The following AGO3 variants were observed in gnomAD, a reference collection of about 807,000 sequenced individuals.
AGO3 encodes the protein argonaute RISC catalytic component 3.
Under a neutral mutation model 105.5 loss-of-function variants are expected in AGO3, and 16 were observed. The ratio of observed to expected loss-of-function variants is 0.15; its 90% CI spans 0.10 to 0.23. AGO3 has a LOEUF of 0.23. AGO3 is among the 10% of genes least tolerant of loss of function. The pLI, the probability that AGO3 is intolerant of heterozygous loss-of-function variation, is 1.00. For synonymous variants in AGO3, 340 were observed against 367.3 expected (o/e 0.93, Z 0.85); for missense variants, 534 against 1,088.0 (o/e 0.49, Z 7.16).
chr1:36,047,087 A>C (rs934244224), intron 17 of AGO3, among the ~76,000 whole-genome samples: 1 of 152,154 alleles, frequency 6.6e-6, no homozygotes, highest in East Asian at 1.9e-4. Flanking sequence ...TGTATTAAAA[A>C]TACAAAATTA....
intron 17 of AGO3, among the ~76,000 whole-genome samples, chr1:36,046,116 A>T (rs1002885188): frequency 6.6e-5 from 10 of 152,140 alleles, no homozygotes; most frequent in Admixed American, 6.5e-4. Context: ...TTAGGCACTA[A>T]TCCCATCTTG....
Position 35,945,683 on chromosome 1 carries a change from C to T in AGO3, c.20-9C>T, listed in dbSNP as rs780074752. 11 of 1,605,022 alleles carry T rather than the reference C, an allele frequency of 6.9e-6. No individual in the cohort carries two copies. In the Admixed American group the frequency reaches 8.6e-5, roughly 13 times the overall value. The stretch of plus-strand genomic sequence containing the variant: ...CTGTGACTCTTTTTTTTTCCCTTTC[C>T]CCTGGCAGGACCCGCTGGGGCCCAG... On this transcript the variant is annotated splice_polypyrimidine_tract_variant and intron_variant, in intron 1 of 18. Transcript: ENST00000373191.
upstream of AGO3, chr1:35,930,842 G>A (rs1472864282): frequency 1.0e-5 from 2 of 197,308 alleles, no homozygotes; most frequent in Admixed American, 1.2e-4. Flanking sequence ...CCGCGACGTC[G>A]TCGCAGACAG....
At chr1:35,943,589 C>T (rs1257631533) in intron 1 of AGO3, among the ~76,000 whole-genome samples, 1 of 149,548 alleles carries the variant, frequency 6.7e-6, no homozygotes, top group Non-Finnish European at 1.5e-5. Context: ...GTGTGAGCCA[C>T]CACCCCCAGC....
chr1:36,028,037 G>A (rs553244948), intron 12 of AGO3, among the ~76,000 whole-genome samples: 1 of 151,940 alleles, frequency 6.6e-6, no homozygotes, highest in Non-Finnish European at 1.5e-5. Context: ...CAATATTTAT[G>A]TATGTATGTG....
chr1:35,979,155 G>C (rs1377799789), intron 5 of AGO3, among the ~76,000 whole-genome samples: 1 of 152,108 alleles, frequency 6.6e-6, no homozygotes, highest in Non-Finnish European at 1.5e-5. Flanking sequence ...ACGAGGTCAG[G>C]AGATTGAGAC....
At chr1:36,036,137 A>G in intron 13 of AGO3, 40 bp from the exon 14 acceptor site, 1 of 1,589,426 alleles carries the variant, frequency 6.3e-7, no homozygotes, top group East Asian at 2.2e-5. Context: ...TGGATACTGA[A>G]AAAATGAAAT....
chr1:35,999,724 A>G (rs1639997052), intron 5 of AGO3, among the ~76,000 whole-genome samples: 1 of 152,158 alleles, frequency 6.6e-6, no homozygotes, highest in Non-Finnish European at 1.5e-5. Context: ...ATCTAGTAAC[A>G]TTGCTGAATT....
chr1:36,009,491 C>G lies in AGO3; in HGVS notation c.1046C>G (p.Ala349Gly), dbSNP rs770280779. 6.2e-7 allele frequency: 1 copy of G among 1,612,724 alleles called. No homozygotes were observed. Among genetic ancestry groups the G allele is most frequent in the African/African-American group, 1.3e-5 (1 of 74,908 alleles). ...CATTTGTAGGTCTGTAATATTGTGGCAGGGCAACGATGTATCAAGAAGCTA... is the reference window on the plus strand; with the variant it reads ...CATTTGTAGGTCTGTAATATTGTGGGAGGGCAACGATGTATCAAGAAGCTA... ...YLPLEVCNIV[A>G]GQRCIKKLTD... The change falls in exon 9 of 19, where the codon GCA becomes GGA. Residue 349 changes from alanine (A) to glycine (G), a missense_variant. By Grantham distance (60) the Ala-to-Gly change is moderately conservative. Transcript: ENST00000373191.
intron 5 of AGO3, among the ~76,000 whole-genome samples, chr1:35,985,208 A>C (rs1647145329): frequency 6.6e-6 from 1 of 152,092 alleles, no homozygotes; most frequent in Non-Finnish European, 1.5e-5. Flanking sequence ...GCTTGAGCCC[A>C]GAAGTCGAGG....
rs1217057686 is a variant in AGO3, at chr1:36,003,708, AAATATAT to A, written c.659-631_659-625del. Among the ~76,000 whole-genome samples, 284 of 127,564 alleles carry A rather than the reference AAATATAT, an allele frequency of 2.2e-3. 1 individual carries two copies. Among genetic ancestry groups the A allele is most frequent in the South Asian group, 5.7e-3 (21 of 3,680 alleles). The allele number at this position is 127,564 out of a possible 152,430, so 83.7% of individuals were successfully genotyped here. A position where few individuals can be genotyped will look rare whatever the true frequency, so the allele number is the denominator to read the frequency against. ...AAAGTCTGTCTCAAAAAAAAAAAAA[AAATATAT>A]ATATATATATATATATATATATATG... On this transcript the variant is annotated intron_variant, in intron 5 of 18. Transcript: ENST00000373191.
chr1:36,001,570 C>T (rs1173330543), intron 5 of AGO3, among the ~76,000 whole-genome samples: 1 of 152,122 alleles, frequency 6.6e-6, no homozygotes, highest in Non-Finnish European at 1.5e-5. Context: ...ATCATGCACC[C>T]ACACTGTAAC....
chr1:36,012,682 G>T (rs1208603025), intron 9 of AGO3, among the ~76,000 whole-genome samples: 1 of 152,048 alleles, frequency 6.6e-6, no homozygotes, highest in East Asian at 1.9e-4. Context: ...AATGTATCCA[G>T]ATCTCCCATA....
chr1:36,015,660 A>C (rs1222696689), intron 11 of AGO3, among the ~76,000 whole-genome samples: 4 of 152,184 alleles, frequency 2.6e-5, no homozygotes, highest in Non-Finnish European at 5.9e-5. Flanking sequence ...GGAAATGGGA[A>C]TGGCCAACAA....
rs1643081946 is a variant in AGO3 at position 36,065,613 on chromosome 1, AACAT to A, written c.*9872_*9875del. ...CAGAGCAAGACTCCATCTCAAAACA[AACAT>A]ACAAACAAAAAAAGGTGCCTCTGGT... is the stretch of plus-strand genomic sequence containing the variant. On this transcript the variant is annotated 3_prime_UTR_variant, in exon 19 of 19. Transcript: ENST00000373191. 2 of 152,202 alleles carry A rather than the reference AACAT, an allele frequency of 1.3e-5. No individual in the cohort carries two copies. Among genetic ancestry groups the A allele is most frequent in the African/African-American group, 2.4e-5 (1 of 41,404 alleles). 9.4% of individuals were successfully genotyped at this position (152,202 alleles called of 1,614,324 possible). A position where few individuals can be genotyped will look rare whatever the true frequency, so the allele number is the denominator to read the frequency against.
intron 16 of AGO3, 154 bp from the exon 17 acceptor site, chr1:36,043,293 G>A (rs964362628): frequency 6.3e-6 from 4 of 632,922 alleles, no homozygotes; most frequent in Non-Finnish European, 1.1e-5. Flanking sequence ...ACTAGGACCT[G>A]CGTAGTCTGC....
intron 11 of AGO3, among the ~76,000 whole-genome samples, chr1:36,021,148 G>T (rs978457847): frequency 1.3e-5 from 2 of 151,538 alleles, no homozygotes; most frequent in Non-Finnish European, 2.9e-5. Flanking sequence ...TGGCCAGGCT[G>T]GTCTCGAACT....
At chr1:35,983,759 C>T (rs1647104303) in intron 5 of AGO3, among the ~76,000 whole-genome samples, 1 of 152,122 alleles carries the variant, frequency 6.6e-6, no homozygotes, top group Non-Finnish European at 1.5e-5. Flanking sequence ...GAGTTTTCTG[C>T]CAGGTATGAA....
At chr1:36,024,310 G>GT (rs1161832782) in intron 11 of AGO3, among the ~76,000 whole-genome samples, 1 of 151,654 alleles carries the variant, frequency 6.6e-6, no homozygotes, top group East Asian at 1.9e-4. Context: ...AGCTAATTTT[G>GT]TTTTTTTGTA....
Sources: gnomAD v4.1 joint callset for allele counts (sites outside exome capture counted in the v4.1 genomes callset) on GRCh38, gnomAD v4.1.1 for gene constraint, MANE v1.5 for transcripts, NCBI Gene and HGNC (gene_info 2026-07-23, HGNC 2026-07-21) for gene names.